NFKBIA: variants seen among roughly 807,000 people sequenced by gnomAD.
NFKBIA encodes NFKB inhibitor alpha.
A neutral mutation model predicts 36.3 loss-of-function variants in NFKBIA; 10 were observed. The observed-to-expected ratio is 0.28, with a 90% CI of 0.17 to 0.47. NFKBIA has a LOEUF of 0.47. NFKBIA is among the 20% of genes least tolerant of loss of function. The pLI is 0.99. For synonymous variants in NFKBIA, 205 were observed against 164.4 expected, an observed-to-expected ratio of 1.25 and a Z score of -1.89; for missense variants, 355 against 399.3, an observed-to-expected ratio of 0.89 and a Z score of 0.94.
At position 35,403,371 on chromosome 14, in the gene NFKBIA, AAG is replaced by A; in HGVS notation, c.337-13_337-12del. 2 of 1,613,690 alleles carry A rather than the reference AAG, an allele frequency of 1.2e-6. No individual in the cohort carries two copies. The highest frequency in any genetic ancestry group is 1.7e-6 in the Non-Finnish European group (2 of 1,179,894). On this transcript the variant is annotated splice_polypyrimidine_tract_variant and intron_variant, in intron 2 of 5. Transcript: ENST00000216797. ...CAAGTGGAGTGGAGTCTACGAATGC[AAG>A]AGAGACCAGAGAAAGTAAGCCATGG...
intron 5 of NFKBIA, 151 bp downstream of exon 5, chr14:35,402,243 C>G: frequency 1.0e-5 from 3 of 299,416 alleles, no homozygotes; most frequent in Non-Finnish European, 1.7e-5. Flanking sequence ...AGAGGGGGGG[C>G]AGGTACATTC....
chr14:35,404,435 G>A lies in NFKBIA; in HGVS notation c.210C>T (p.Leu70=). Residue 70 remains leucine (L), a synonymous_variant, in exon 1 of 6, where the codon CTC becomes CTT. Transcript: ENST00000216797. ...PRGSEPWKQQ[L]TEDGDSFLHL... ...CCACTTACGAGTCCCCGTCCTCGGT[G>A]AGCTGCTGCTTCCAGGGCTCCGAGC... The A allele has an allele frequency of 6.3e-7, 1 of 1,588,462 alleles. No homozygotes were observed. The highest frequency in any genetic ancestry group is 8.6e-7 in the Non-Finnish European group (1 of 1,169,222).
rs912149799 is a variant in NFKBIA at position 35,403,717 on chromosome 14, G to A, written c.309C>T (p.Phe103=). The A allele has an allele frequency of 1.9e-6, 3 of 1,613,882 alleles. No individual in the cohort carries two copies. The highest frequency in any genetic ancestry group is 2.2e-5 in the East Asian group (1 of 44,862). Residue 103 remains phenylalanine, a synonymous_variant, in exon 2 of 6, where the codon TTC becomes TTT. Transcript: ENST00000216797. ...VIRQVKGDLA[F]LNFQNNLQQT... is the part of the protein sequence containing the mutation. ...GCTGCAGGTTGTTCTGGAAGTTGAGGAAGGCCAGGTCTCCCTTCACCTGGC... is the reference window on the plus strand; with the variant it reads ...GCTGCAGGTTGTTCTGGAAGTTGAGAAAGGCCAGGTCTCCCTTCACCTGGC...
rs1566590313 is a variant in NFKBIA, at chr14:35,403,146, A to T, written c.547+4T>A. 1 of 1,609,840 alleles carries T rather than the reference A, an allele frequency of 6.2e-7. No homozygotes were observed. Among genetic ancestry groups the T allele is most frequent in the Non-Finnish European group, 8.5e-7 (1 of 1,178,024 alleles). ...GGTGGGGCAGGGCAGGGAGGCAGACATACCATTGTAGTTGGTAGCCTTCAG... is the reference window on the plus strand; with the variant it reads ...GGTGGGGCAGGGCAGGGAGGCAGACTTACCATTGTAGTTGGTAGCCTTCAG... On this transcript the variant is annotated splice_donor_region_variant and intron_variant, in intron 3 of 5. Coordinates refer to ENST00000216797, the MANE Select transcript of NFKBIA (RefSeq NM_020529.3).
In NFKBIA at chr14:35,403,235, C is replaced by T; in HGVS notation, c.462G>A (p.Gln154=). The change falls in exon 3 of 6, where the codon CAG becomes CAA. Residue 154 remains glutamine (Q), a synonymous_variant. Coordinates refer to ENST00000216797, the MANE Select transcript of NFKBIA (RefSeq NM_020529.3). ...GGACTCCCACGCTGGCCAGGCAGCC[C>T]TGCTCACAGGCAAGGTGTAGGGGGG... ...GNTPLHLACE[Q]GCLASVGVLT... is the part of the protein sequence containing the mutation. The T allele has an allele frequency of 6.2e-7, 1 of 1,613,150 alleles. No homozygotes were observed. Among genetic ancestry groups the T allele is most frequent in the African/African-American group, 1.3e-5 (1 of 75,008 alleles).
In NFKBIA at chr14:35,404,599, G is replaced by A. The variant is rs1439671395; in HGVS notation, c.46C>T (p.Pro16Ser). 6 of 1,566,780 alleles carry A rather than the reference G, an allele frequency of 3.8e-6. No individual in the cohort carries two copies. Among genetic ancestry groups the A allele is most frequent in the East Asian group, 5.0e-5 (2 of 40,400 alleles). ...CGCTCCTTCTTCAGCCCGTCGCGGG[G>A]GCCCTCCATGGCCCACTCCTGGGGG... ...ERPQEWAMEG[P>S]RDGLKKERLL... The change falls in exon 1 of 6, where the codon CCC (proline) becomes TCC (serine). Residue 16 changes from proline (P) to serine (S), a missense_variant. Coordinates refer to ENST00000216797, the MANE Select transcript of NFKBIA (RefSeq NM_020529.3).
Position 35,401,891 on chromosome 14 carries a change from C to T in NFKBIA, c.*122G>A. 1.1e-5 allele frequency: 12 copies of T among 1,090,838 alleles called. No individual in the cohort carries two copies. The highest frequency in any genetic ancestry group is 1.5e-5 in the Non-Finnish European group (11 of 722,774). The allele number at this position is 1,090,838 out of a possible 1,614,324, so 67.6% of individuals were successfully genotyped here. A position where few individuals can be genotyped will look rare whatever the true frequency, so the allele number is the denominator to read the frequency against. On this transcript the variant is annotated 3_prime_UTR_variant, in exon 6 of 6. Transcript: ENST00000216797. ...CCACAATAAGACGTTTTGGGCCAGG[C>T]AGTGTGCAGTGTGGATATAAGTACA...
Position 35,403,878 on chromosome 14 carries a change from T to C in NFKBIA, c.228-80A>G, listed in dbSNP as rs2052757383. 4 of 1,044,756 alleles carry C rather than the reference T, an allele frequency of 3.8e-6. No homozygotes were observed. The East Asian group carries it at 9.9e-5, about 26-fold the overall frequency. 64.7% of individuals were successfully genotyped at this position (1,044,756 alleles called of 1,614,324 possible). A position where few individuals can be genotyped will look rare whatever the true frequency, so the allele number is the denominator to read the frequency against. On this transcript the variant is annotated intron_variant, in intron 1 of 5. Coordinates refer to ENST00000216797, the MANE Select transcript of NFKBIA (RefSeq NM_020529.3). ...CAGGGAGGCGCGGGCTGCGGGGGAT[T>C]GCGCAAGGCCGGGGTTTCTGGAGGC...
Position 35,404,684 on chromosome 14 carries a change from G to C in NFKBIA, c.-40C>G. On this transcript the variant is annotated 5_prime_UTR_variant, in exon 1 of 6. Transcript: ENST00000216797. ...GCGGGCGCTGCTGCGGGTGCGCTGG[G>C]CCGCGGGCTGCGCGCTGCTTCCTCG... The C allele has an allele frequency of 7.6e-7, 1 of 1,322,828 alleles. No individual in the cohort carries two copies. Among genetic ancestry groups the C allele is most frequent in the Non-Finnish European group, 9.8e-7 (1 of 1,025,024 alleles). The allele number at this position is 1,322,828 out of a possible 1,614,324, so 81.9% of individuals were successfully genotyped here.
chr14:35,402,347 G>A (rs1033027351), intron 5 of NFKBIA, 47 bp downstream of exon 5: 5 of 1,610,768 alleles, frequency 3.1e-6, no homozygotes, highest in Non-Finnish European at 3.4e-6. Flanking sequence ...AGGGTGAAGG[G>A]AATGGCACCT....
chr14:35,404,595 C>CG lies in NFKBIA; in HGVS notation c.49dup (p.Arg17ProfsTer69). Reference sequence around the variant, plus strand: ...TAGCCGCTCCTTCTTCAGCCCGTCGCGGGGGCCCTCCATGGCCCACTCCTG... The same window carrying CG: ...TAGCCGCTCCTTCTTCAGCCCGTCGCGGGGGGCCCTCCATGGCCCACTCCTG... On this transcript the variant is annotated frameshift_variant, in exon 1 of 6. Coordinates refer to ENST00000216797, the MANE Select transcript of NFKBIA (RefSeq NM_020529.3). LOFTEE classifies it high-confidence loss of function. The CG allele has an allele frequency of 6.3e-7, 1 of 1,577,116 alleles. No individual in the cohort carries two copies. The highest frequency in any genetic ancestry group is 8.6e-7 in the Non-Finnish European group (1 of 1,163,396).
intron 1 of NFKBIA, 190 bp from the exon 2 acceptor site, chr14:35,403,988 C>CG: frequency 1.6e-6 from 1 of 607,312 alleles, no homozygotes. Context: ...CCTCCCCCCG[C>CG]GGCCCCGGCG....
intron 5 of NFKBIA, 100 bp downstream of exon 5, chr14:35,402,294 A>G: frequency 7.0e-7 from 1 of 1,426,726 alleles, no homozygotes; most frequent in Non-Finnish European, 9.9e-7. Flanking sequence ...GAGACTCATT[A>G]TGTAGATACC....
rs529614549 is a variant in NFKBIA, at chr14:35,404,708, C to T, written c.-64G>A. ...GGCCGCGGGCTGCGCGCTGCTTCCT[C>T]GCTGGGGCGCTGGCGGGCGGGACGG... On this transcript the variant is annotated 5_prime_UTR_variant, in exon 1 of 6. Coordinates refer to ENST00000216797, the MANE Select transcript of NFKBIA (RefSeq NM_020529.3). 2.6e-6 allele frequency: 3 copies of T among 1,171,912 alleles called. No homozygotes were observed. Among genetic ancestry groups the T allele is most frequent in the South Asian group, 2.4e-5 (1 of 40,926 alleles). The allele number at this position is 1,171,912 out of a possible 1,614,324, so 72.6% of individuals were successfully genotyped here.
chr14:35,404,289 G>C (rs990211347), intron 1 of NFKBIA, 129 bp downstream of exon 1: 6 of 581,280 alleles, frequency 1.0e-5, no homozygotes, highest in Non-Finnish European at 1.3e-5. Flanking sequence ...GAGCCCCGGG[G>C]TGCCGCGGCG....
chr14:35,402,030 G>T lies in NFKBIA; in HGVS notation c.937C>A (p.Gln313Lys). 1 of 1,613,870 alleles carries T rather than the reference G, an allele frequency of 6.2e-7. No homozygotes were observed. The highest frequency in any genetic ancestry group is 8.5e-7 in the Non-Finnish European group (1 of 1,179,986). Residue 313 changes from glutamine (Q) to lysine (K), a missense_variant, in exon 6 of 6, where the codon CAG becomes AAG. By Grantham distance (53) the Gln-to-Lys change is moderately conservative (BLOSUM62 1). Coordinates refer to ENST00000216797, the MANE Select transcript of NFKBIA (RefSeq NM_020529.3). ...LPYDDCVFGG[Q>K]RLTL ...CTTTGCGCTCATAACGTCAGACGCT[G>T]GCCTCCAAACACACAGTCATCATAG...
chr14:35,404,510 C>G lies in NFKBIA; in HGVS notation c.135G>C (p.Met45Ile). The G allele has an allele frequency of 6.2e-7, 1 of 1,604,560 alleles. No individual in the cohort carries two copies. Among genetic ancestry groups the G allele is most frequent in the African/African-American group, 1.3e-5 (1 of 74,304 alleles). The stretch of plus-strand genomic sequence containing the variant: ...GGCGGATCTCCTGCAGCTCCTTGAC[C>G]ATCTGCTCGTACTCCTCGTCTTTCA... ...DSMKDEEYEQ[M>I]VKELQEIRLE... The change falls in exon 1 of 6, where the codon ATG (methionine) becomes ATC (isoleucine). Residue 45 changes from methionine to isoleucine, a missense_variant. Physicochemically the swap from Met to Ile is conservative, Grantham distance 10. Coordinates refer to ENST00000216797, the MANE Select transcript of NFKBIA (RefSeq NM_020529.3).
At chr14:35,402,732 G>A (rs1388925677) in intron 4 of NFKBIA, 39 bp downstream of exon 4, 3 of 1,613,718 alleles carry the variant, frequency 1.9e-6, no homozygotes, top group Non-Finnish European at 1.7e-6. Flanking sequence ...ATAAGCACGA[G>A]GAGCCTGACT....
At chr14:35,402,236 G>T (rs910255618) in intron 5 of NFKBIA, among the ~76,000 whole-genome samples, 158 bp downstream of exon 5, 1 of 21,026 alleles carries the variant, frequency 4.8e-5, no homozygotes, top group East Asian at 6.0e-4. Flanking sequence ...TAAAAAAAGA[G>T]GGGGGGCAGG....
Sources: allele counts gnomAD v4.1 joint callset (sites outside exome capture counted in the v4.1 genomes callset), GRCh38; gene constraint gnomAD v4.1.1; transcripts MANE v1.5; gene names NCBI Gene and HGNC (gene_info 2026-07-23, HGNC 2026-07-21).